Variants in KCNQ5 observed in about 807,000 individuals in gnomAD.
KCNQ5 encodes the protein potassium voltage-gated channel subfamily Q member 5, also known as potassium voltage-gated channel subfamily KQT member 5.
In KCNQ5, 30 loss-of-function variants were observed where a neutral mutation model predicts 98.2. That is an observed-to-expected ratio of 0.31 (90% confidence interval 0.23 to 0.41). KCNQ5 has a LOEUF of 0.41. Among genes scored for constraint, KCNQ5 ranks in the 10% least tolerant of loss-of-function variants. The pLI is 1.00. For missense variants in KCNQ5, 835 were observed against 1,182.5 expected (o/e 0.71, Z 4.31); for synonymous variants, 458 against 449.4 (o/e 1.02, Z -0.24).
At chr6:72,856,851 C>T (rs1777554162) in intron 1 of KCNQ5, among the ~76,000 whole-genome samples, 2 of 152,198 alleles carry the variant, frequency 1.3e-5, no homozygotes, top group African/African-American at 2.4e-5. Context: ...GCTGCACACA[C>T]CCCAGGTTGT....
intron 1 of KCNQ5, among the ~76,000 whole-genome samples, chr6:72,933,701 C>T (rs1314893882): frequency 2.0e-5 from 3 of 152,116 alleles, no homozygotes; most frequent in Non-Finnish European, 4.4e-5. Flanking sequence ...AAATCAATTG[C>T]ATTTCTTTGA....
intron 1 of KCNQ5, among the ~76,000 whole-genome samples, chr6:72,636,747 A>G (rs1039136218): frequency 6.6e-6 from 1 of 152,246 alleles, no homozygotes; most frequent in African/African-American, 2.4e-5. Context: ...AAGACATAGC[A>G]TATTCCCTCA....
At chr6:72,817,723 G>A (rs1211842954) in intron 1 of KCNQ5, among the ~76,000 whole-genome samples, 1 of 151,946 alleles carries the variant, frequency 6.6e-6, no homozygotes, top group East Asian at 1.9e-4. Flanking sequence ...GTGAAACCCT[G>A]TCTTTACTAA....
chr6:72,718,977 T>C (rs1382203795), intron 1 of KCNQ5, among the ~76,000 whole-genome samples: 1 of 152,222 alleles, frequency 6.6e-6, no homozygotes, highest in Non-Finnish European at 1.5e-5. Flanking sequence ...TAAAATGCTG[T>C]CAATGGAAAA....
intron 1 of KCNQ5, among the ~76,000 whole-genome samples, chr6:72,964,480 G>T (rs1022436014): frequency 6.6e-6 from 1 of 152,050 alleles, no homozygotes; most frequent in East Asian, 1.9e-4. Context: ...ATGCCTTAGG[G>T]TACAGAAAGA....
At chr6:72,823,929 G>A (rs1264384735) in intron 1 of KCNQ5, among the ~76,000 whole-genome samples, 1 of 152,116 alleles carries the variant, frequency 6.6e-6, no homozygotes, top group Non-Finnish European at 1.5e-5. Flanking sequence ...ATTTGTGTAA[G>A]ATTACCCTTC....
At chr6:72,737,780 TG>T (rs1333833664) in intron 1 of KCNQ5, among the ~76,000 whole-genome samples, 2 of 152,168 alleles carry the variant, frequency 1.3e-5, no homozygotes, top group Non-Finnish European at 2.9e-5. Flanking sequence ...TCATGAAACT[TG>T]TCTCAGTTTT....
At chr6:73,152,095 T>A (rs886685997) in intron 10 of KCNQ5, among the ~76,000 whole-genome samples, 3 of 152,212 alleles carry the variant, frequency 2.0e-5, no homozygotes, top group African/African-American at 7.2e-5. Flanking sequence ...TTTGCCATTT[T>A]GATGAAGTAC....
chr6:72,798,240 G>A (rs1214822666), intron 1 of KCNQ5, among the ~76,000 whole-genome samples: 1 of 152,184 alleles, frequency 6.6e-6, no homozygotes, highest in Non-Finnish European at 1.5e-5. Flanking sequence ...TTCCTTGGAT[G>A]TAATTACTCT....
At chr6:73,176,952 CA>C (rs1778235850) in intron 11 of KCNQ5, among the ~76,000 whole-genome samples, 1 of 152,114 alleles carries the variant, frequency 6.6e-6, no homozygotes, top group African/African-American at 2.4e-5. Context: ...AGAAGATGGT[CA>C]ACACAGAAGT....
intron 1 of KCNQ5, among the ~76,000 whole-genome samples, chr6:72,838,787 A>G (rs368033431): frequency 2.9e-4 from 44 of 151,048 alleles, no homozygotes; most frequent in African/African-American, 6.8e-4. Context: ...CGTCTCTACT[A>G]AAAATACAAA....
At chr6:72,656,651 T>G (rs896356536) in intron 1 of KCNQ5, among the ~76,000 whole-genome samples, 2 of 152,222 alleles carry the variant, frequency 1.3e-5, no homozygotes, top group African/African-American at 4.8e-5. Flanking sequence ...TTTTACCTAA[T>G]AAAAGCAAAT....
chr6:73,166,680 C>T (rs750766243), intron 10 of KCNQ5, among the ~76,000 whole-genome samples: 5 of 152,122 alleles, frequency 3.3e-5, no homozygotes, highest in African/African-American at 4.8e-5. Flanking sequence ...TCTCACAGTA[C>T]GGGAGTCCAG....
At chr6:73,026,509 A>G (rs1770896888) in intron 2 of KCNQ5, among the ~76,000 whole-genome samples, 1 of 152,144 alleles carries the variant, frequency 6.6e-6, no homozygotes, top group African/African-American at 2.4e-5. Flanking sequence ...GAAACCTTCC[A>G]TCTCTTCCCA....
At chr6:72,805,627 G>T (rs1774916931) in intron 1 of KCNQ5, among the ~76,000 whole-genome samples, 1 of 151,950 alleles carries the variant, frequency 6.6e-6, no homozygotes, top group African/African-American at 2.4e-5. Flanking sequence ...TGTTCTTTTT[G>T]CCCAGAATAA....
intron 10 of KCNQ5, among the ~76,000 whole-genome samples, chr6:73,139,229 T>C (rs1360293229): frequency 1.3e-5 from 2 of 152,202 alleles, no homozygotes; most frequent in Admixed American, 6.5e-5. Context: ...CATTCACATC[T>C]TATTTTGCAG....
At chr6:72,990,595 G>A (rs1223753770) in intron 1 of KCNQ5, among the ~76,000 whole-genome samples, 13 of 125,166 alleles carry the variant, frequency 1.0e-4, no homozygotes, top group East Asian at 2.3e-4. Flanking sequence ...CAATCATGTC[G>A]TCTGCAAACA....
chr6:72,983,926 C>G (rs529242265), intron 1 of KCNQ5, among the ~76,000 whole-genome samples: 1 of 152,322 alleles, frequency 6.6e-6, no homozygotes, highest in East Asian at 1.9e-4. Context: ...TTCTAACAGT[C>G]AGGTCCCTCA....
chr6:73,109,242 G>T (rs1775127284), intron 6 of KCNQ5, among the ~76,000 whole-genome samples: 2 of 152,174 alleles, frequency 1.3e-5, no homozygotes, highest in Admixed American at 1.3e-4. Context: ...GCACATTTTA[G>T]ATTGTTTGGC....
Sources: allele counts gnomAD v4.1 joint callset (sites outside exome capture counted in the v4.1 genomes callset), GRCh38; gene constraint gnomAD v4.1.1; transcripts MANE v1.5; gene names NCBI Gene and HGNC (gene_info 2026-07-23, HGNC 2026-07-21).